The following NFASC variants were observed in gnomAD, a reference collection of about 807,000 sequenced individuals.
NFASC encodes the protein neurofascin.
A neutral mutation model predicts 147.5 loss-of-function variants in NFASC; 43 were observed. The observed-to-expected ratio is 0.29, with a 90% CI of 0.23 to 0.38. The LOEUF is 0.38. Ranked by LOEUF, NFASC falls within the 10% of genes least tolerant of loss-of-function variation. The pLI is 1.00. For missense variants in NFASC, 1,320 were observed against 1,689.0 expected (o/e 0.78, Z 3.83); for synonymous variants, 622 against 665.5 (o/e 0.93, Z 1.01).
At chr1:204,967,084 T>C (rs761920870) in intron 8 of NFASC, among the ~76,000 whole-genome samples, 5 of 152,316 alleles carry the variant, frequency 3.3e-5, no homozygotes. Context: ...CCCAGGTGTC[T>C]CTGAGGCCTC....
intron 2 of NFASC, among the ~76,000 whole-genome samples, chr1:204,928,002 G>C (rs796322077): frequency 2.0e-4 from 30 of 152,178 alleles, no homozygotes; most frequent in Admixed American, 8.5e-4. Context: ...TCCCCAGAGG[G>C]GGGAGTTCGC....
At chr1:204,868,507 C>T (rs2077302140) in intron 1 of NFASC, among the ~76,000 whole-genome samples, 1 of 152,164 alleles carries the variant, frequency 6.6e-6, no homozygotes. Flanking sequence ...CAGGCCTGCC[C>T]AGCAGCTGTC....
At chr1:204,839,138 C>G (rs1348369525) in intron 1 of NFASC, among the ~76,000 whole-genome samples, 1 of 152,188 alleles carries the variant, frequency 6.6e-6, no homozygotes, top group East Asian at 1.9e-4. Flanking sequence ...CCAATAGAAT[C>G]TCAATGTGCT....
intron 1 of NFASC, among the ~76,000 whole-genome samples, chr1:204,876,457 A>C (rs570856813): frequency 6.6e-6 from 1 of 152,314 alleles, no homozygotes; most frequent in South Asian, 2.1e-4. Context: ...TATGTACAAC[A>C]TACAATTTAC....
At chr1:204,843,061 C>T (rs1241000691) in intron 1 of NFASC, among the ~76,000 whole-genome samples, 2 of 152,164 alleles carry the variant, frequency 1.3e-5, no homozygotes, top group African/African-American at 2.4e-5. Context: ...CCCATGATTC[C>T]TCTGTGTTCC....
At chr1:204,938,129 G>C (rs1008720004) in intron 2 of NFASC, among the ~76,000 whole-genome samples, 1 of 152,224 alleles carries the variant, frequency 6.6e-6, no homozygotes, top group Non-Finnish European at 1.5e-5. Flanking sequence ...GCGACAGCTC[G>C]TGGGAGCCAC....
At chr1:204,899,585 C>A (rs1026450979) in intron 1 of NFASC, among the ~76,000 whole-genome samples, 1 of 152,222 alleles carries the variant, frequency 6.6e-6, no homozygotes, top group Non-Finnish European at 1.5e-5. Context: ...AAATGGAATC[C>A]TTCTGTCTCC....
At chr1:204,967,675 A>G (rs568188408) in intron 8 of NFASC, among the ~76,000 whole-genome samples, 4 of 151,672 alleles carry the variant, frequency 2.6e-5, no homozygotes, top group South Asian at 2.1e-4. Context: ...ATTTCCTGTC[A>G]TCTCTGTTCA....
chr1:204,904,287 G>A (rs1448691598), intron 1 of NFASC, among the ~76,000 whole-genome samples: 2 of 152,076 alleles, frequency 1.3e-5, no homozygotes, highest in Non-Finnish European at 1.5e-5. Context: ...TAGTAGAAAC[G>A]GGGTTTTGCC....
Position 204,877,053 on chromosome 1 carries a change from T to C in NFASC, c.-199-43579T>C, listed in dbSNP as rs972223978. 6.8e-4 allele frequency among the ~76,000 whole-genome samples: 67 copies of C among 98,060 alleles called. 2 individuals carry two copies. The highest frequency in any genetic ancestry group is 4.1e-3 in the African/African-American group (65 of 15,750). The allele number at this position is 98,060 out of a possible 152,430, so 64.3% of individuals were successfully genotyped here. On this transcript the variant is annotated intron_variant, in intron 1 of 29. Coordinates refer to ENST00000339876, the MANE Select transcript of NFASC (RefSeq NM_001005388.3). ...AATATATATTTATATATATATAATA[T>C]ATTTATTTATATATTTATATATATA...
intron 8 of NFASC, among the ~76,000 whole-genome samples, chr1:204,961,169 C>T (rs949227951): frequency 5.3e-5 from 8 of 152,136 alleles, no homozygotes; most frequent in Admixed American, 1.3e-4. Context: ...TCCTTCAGGA[C>T]GCTGGCGTGA....
chr1:204,846,355 TA>T (rs993745123), intron 1 of NFASC, among the ~76,000 whole-genome samples: 1 of 152,198 alleles, frequency 6.6e-6, no homozygotes, highest in Admixed American at 6.5e-5. Context: ...TGTGTCCTTA[TA>T]CCCTTGTTCC....
chr1:204,928,383 C>T (rs1480133392), intron 2 of NFASC, among the ~76,000 whole-genome samples: 1 of 152,162 alleles, frequency 6.6e-6, no homozygotes, highest in Non-Finnish European at 1.5e-5. Flanking sequence ...GCGATGTCCT[C>T]CCCAGTGTAT....
intron 2 of NFASC, among the ~76,000 whole-genome samples, chr1:204,925,593 C>A (rs2091352413): frequency 6.6e-6 from 1 of 152,212 alleles, no homozygotes; most frequent in South Asian, 2.1e-4. Context: ...TTCCTTTGCC[C>A]TCAAGAAGCT....
intron 27 of NFASC, among the ~76,000 whole-genome samples, chr1:205,005,885 CA>C (rs1348140847): frequency 1.3e-5 from 2 of 152,180 alleles, no homozygotes; most frequent in Non-Finnish European, 2.9e-5. Flanking sequence ...AATGAAAAGC[CA>C]CATTTGCTTC....
chr1:204,981,992 G>C lies in NFASC; in HGVS notation c.2442G>C (p.Glu814Asp). The part of the protein sequence containing the change: ...ENDFGKGPEP[E>D]SVIGYSGEDL... ...ACTTCGGGAAGGGCCCTGAGCCAGA[G>C]TCCGTCATCGGTTACTCCGGAGAAG... The change falls in exon 21 of 30, where the codon GAG (glutamate) becomes GAC (aspartate). Residue 814 changes from glutamate (E) to aspartate (D), a missense_variant. Physicochemically the swap from Glu to Asp is conservative, Grantham distance 45. Coordinates refer to ENST00000339876, the MANE Select transcript of NFASC (RefSeq NM_001005388.3). The C allele has an allele frequency of 3.1e-6, 5 of 1,593,388 alleles. No homozygotes were observed. The highest frequency in any genetic ancestry group is 3.4e-6 in the Non-Finnish European group (4 of 1,170,092).
intron 1 of NFASC, among the ~76,000 whole-genome samples, chr1:204,884,668 C>G (rs1452855631): frequency 6.6e-6 from 1 of 152,124 alleles, no homozygotes; most frequent in Non-Finnish European, 1.5e-5. Context: ...TTAATAGCCC[C>G]TCGCACATAG....
chr1:204,954,487 C>T lies in NFASC; in HGVS notation c.412+103C>T. 5 of 1,104,392 alleles carry T rather than the reference C, an allele frequency of 4.5e-6. No homozygotes were observed. The highest frequency in any genetic ancestry group is 6.5e-6 in the Non-Finnish European group (5 of 774,562). 68.4% of individuals were successfully genotyped at this position (1,104,392 alleles called of 1,614,324 possible). On this transcript the variant is annotated intron_variant, in intron 6 of 29. Coordinates refer to ENST00000339876, the MANE Select transcript of NFASC (RefSeq NM_001005388.3). This position sits in a 1 kb window ranked among gnomAD's most constrained non-coding sequence, Gnocchi z 5.7. ...AAGGGCTGCCCCTGCCCTTGGCCTG[C>T]AGTTGCCTTGGTGTTCTCTATGCAT...
intron 27 of NFASC, among the ~76,000 whole-genome samples, chr1:205,007,466 G>A (rs1334516509): frequency 7.0e-6 from 1 of 142,980 alleles, no homozygotes; most frequent in Non-Finnish European, 1.5e-5. Flanking sequence ...AGGAGAAGGG[G>A]AGAGGATTGG....
Sources: gnomAD v4.1 joint callset for allele counts (sites outside exome capture counted in the v4.1 genomes callset) on GRCh38, gnomAD v4.1.1 for gene constraint, Gnocchi (gnomAD v3.1) non-coding constraint, MANE v1.5 for transcripts, NCBI Gene and HGNC (gene_info 2026-07-23, HGNC 2026-07-21) for gene names.